OPCML: variants seen among roughly 807,000 people sequenced by gnomAD.
OPCML encodes opioid binding protein/cell adhesion molecule like.
A neutral mutation model predicts 37.8 loss-of-function variants in OPCML; 13 were observed. The observed-to-expected ratio is 0.34, with a 90% CI of 0.22 to 0.55. OPCML has a LOEUF of 0.55. Ranked by LOEUF, OPCML falls within the 20% of genes least tolerant of loss-of-function variation. The pLI is 0.91. For synonymous variants in OPCML, 176 were observed against 168.8 expected, an observed-to-expected ratio of 1.04 and a Z score of -0.33; for missense variants, 341 against 435.6, an observed-to-expected ratio of 0.78 and a Z score of 1.93.
intron 4 of OPCML, among the ~76,000 whole-genome samples, chr11:132,464,631 C>T (rs953980212): frequency 6.6e-6 from 1 of 152,032 alleles, no homozygotes; most frequent in African/African-American, 2.4e-5. Flanking sequence ...TAACAAACTA[C>T]TTTTTATCTG....
chr11:133,486,723 C>A (rs969531356), intron 1 of OPCML, among the ~76,000 whole-genome samples: 2 of 152,086 alleles, frequency 1.3e-5, no homozygotes, highest in Admixed American at 1.3e-4. Flanking sequence ...TTGCCTCTTG[C>A]CGTCTCTACT....
At position 132,683,354 on chromosome 11, in the gene OPCML, G is replaced by T. The variant is rs191719485; in HGVS notation, c.147-26035C>A. 9.1e-4 allele frequency among the ~76,000 whole-genome samples: 139 copies of T among 152,290 alleles called. 1 individual carries two copies. In the East Asian group the frequency reaches 0.016, roughly 17 times the overall value. ...TGCGCCACTGCACTCCAGCCTGGGT[G>T]AGAGAGTGAGACTCTGTCTCAAAAA... is the stretch of plus-strand genomic sequence containing the variant. On this transcript the variant is annotated intron_variant, in intron 2 of 7. Transcript: ENST00000524381.
intron 2 of OPCML, among the ~76,000 whole-genome samples, chr11:132,879,080 CT>C (rs1425035035): frequency 4.6e-5 from 7 of 152,110 alleles, no homozygotes; most frequent in Non-Finnish European, 1.0e-4. Flanking sequence ...GTGGTAGAAA[CT>C]TTGTATAAAT....
In OPCML at chr11:132,943,438, G is replaced by C; in HGVS notation, c.62-428C>G. The C allele has an allele frequency of 2.9e-6, 1 of 349,552 alleles. No homozygotes were observed. The highest frequency in any genetic ancestry group is 5.4e-6 in the Non-Finnish European group (1 of 185,922). The allele number at this position is 349,552 out of a possible 1,614,324, so 21.7% of individuals were successfully genotyped here. On this transcript the variant is annotated intron_variant, in intron 1 of 7. Transcript: ENST00000524381. This position sits in a 1 kb window ranked among gnomAD's most constrained non-coding sequence, Gnocchi z 4.3. ...TTGCGCTTTCTCTGCCTCTCTCTTC[G>C]AGACGCTACTTTAAGATTCAGTTGG...
intron 1 of OPCML, among the ~76,000 whole-genome samples, chr11:133,308,637 A>T (rs1055064343): frequency 6.6e-6 from 1 of 152,176 alleles, no homozygotes; most frequent in Non-Finnish European, 1.5e-5. Context: ...AACTAGATGC[A>T]GTTAACCCAC....
intron 1 of OPCML, among the ~76,000 whole-genome samples, chr11:133,457,183 G>A (rs1946689721): frequency 6.6e-6 from 1 of 152,116 alleles, no homozygotes; most frequent in African/African-American, 2.4e-5. Context: ...AAAACTTACA[G>A]GCCAGAGAAA....
At chr11:132,546,199 T>C (rs546410266) in intron 3 of OPCML, among the ~76,000 whole-genome samples, 158 of 152,350 alleles carry the variant, frequency 1.0e-3, no homozygotes, top group African/African-American at 3.5e-3. Flanking sequence ...TTTATGTCTT[T>C]TGCCCAGGGA....
rs751766375 is a variant in OPCML at position 133,212,571 on chromosome 11, T to A, written c.62-269561A>T. ...TCTGCTCACCCCGCTGCACTCTTGA[T>A]CTCCCTTACTCTCTTTTACTTTCTC... On this transcript the variant is annotated intron_variant, in intron 1 of 7. Coordinates refer to ENST00000524381, the MANE Select transcript of OPCML (RefSeq NM_001012393.5). This position sits in a 1 kb window ranked among gnomAD's most constrained non-coding sequence, Gnocchi z 4.9. Among the ~76,000 whole-genome samples, 1 of 152,188 alleles carries A rather than the reference T, an allele frequency of 6.6e-6. No homozygotes were observed. Among genetic ancestry groups the A allele is most frequent in the Non-Finnish European group, 1.5e-5 (1 of 68,040 alleles).
chr11:133,104,899 T>C (rs1267590031), intron 1 of OPCML, among the ~76,000 whole-genome samples: 1 of 152,228 alleles, frequency 6.6e-6, no homozygotes, highest in Non-Finnish European at 1.5e-5. Context: ...AGGAATAATT[T>C]TCCTATAAAG....
chr11:132,948,132 C>A (rs1289061519), intron 1 of OPCML, among the ~76,000 whole-genome samples: 1 of 152,176 alleles, frequency 6.6e-6, no homozygotes, highest in Non-Finnish European at 1.5e-5. Context: ...TTGAAATGTA[C>A]CGGGCATGTT....
chr11:132,590,518 C>A (rs925622370), intron 3 of OPCML, among the ~76,000 whole-genome samples: 1 of 152,110 alleles, frequency 6.6e-6, no homozygotes, highest in African/African-American at 2.4e-5. Flanking sequence ...TTTATAAGGC[C>A]ATGTTATGAA....
In OPCML at chr11:132,688,975, A is replaced by C. The variant is rs1371220524; in HGVS notation, c.147-31656T>G. On this transcript the variant is annotated intron_variant, in intron 2 of 7. Transcript: ENST00000524381. ...CCGTCTCAAAAAAAAAAAAAAAAAA[A>C]AAAAAAAAATAGAAAAGCTCCTTTT... is the stretch of plus-strand genomic sequence containing the variant. Among the ~76,000 whole-genome samples, 2 of 150,192 alleles carry C rather than the reference A, an allele frequency of 1.3e-5. 1 individual carries two copies. The highest frequency in any genetic ancestry group is 3.0e-5 in the Non-Finnish European group (2 of 67,688).
intron 1 of OPCML, chr11:133,006,073 C>T (rs1947104943): frequency 1.0e-6 from 1 of 985,250 alleles, no homozygotes; most frequent in Non-Finnish European, 1.2e-6. Flanking sequence ...ATGGAGTGTG[C>T]TCATAACAGT....
intron 3 of OPCML, among the ~76,000 whole-genome samples, chr11:132,548,518 A>G (rs1292979409): frequency 2.6e-5 from 4 of 152,190 alleles, no homozygotes. Context: ...GGCATTTAAA[A>G]GTTAGATAAG....
intron 2 of OPCML, among the ~76,000 whole-genome samples, chr11:132,784,236 G>T (rs558325633): frequency 6.6e-6 from 1 of 152,126 alleles, no homozygotes; most frequent in Non-Finnish European, 1.5e-5. Context: ...GTAACAATTT[G>T]CCTTAACTAA....
At chr11:133,052,645 C>G (rs1340283717) in intron 1 of OPCML, among the ~76,000 whole-genome samples, 1 of 152,176 alleles carries the variant, frequency 6.6e-6, no homozygotes, top group African/African-American at 2.4e-5. Context: ...GCATGTGGGC[C>G]AGTCCCTTTG....
intron 2 of OPCML, among the ~76,000 whole-genome samples, chr11:132,744,817 GAGCCAAGGTTATA>G (rs1422203862): frequency 1.3e-5 from 2 of 152,358 alleles, no homozygotes; most frequent in East Asian, 3.9e-4. Context: ...ATGCTTCAGA[GAGCCAAGGTTATA>G]AATACTCTCT....
intron 1 of OPCML, among the ~76,000 whole-genome samples, chr11:132,944,382 C>T (rs1056737891): frequency 6.6e-6 from 1 of 152,190 alleles, no homozygotes; most frequent in Non-Finnish European, 1.5e-5. Context: ...GCGCTGCGAA[C>T]GGCTCCCCGC....
intron 1 of OPCML, among the ~76,000 whole-genome samples, chr11:133,327,248 T>G (rs1352410416): frequency 2.6e-5 from 4 of 151,534 alleles, no homozygotes; most frequent in Non-Finnish European, 4.4e-5. Context: ...ATATGTGGTG[T>G]GTGAGTTGTT....
Sources: gnomAD v4.1 joint callset for allele counts (sites outside exome capture counted in the v4.1 genomes callset) on GRCh38, gnomAD v4.1.1 for gene constraint, Gnocchi (gnomAD v3.1) non-coding constraint, MANE v1.5 for transcripts, NCBI Gene and HGNC (gene_info 2026-07-23, HGNC 2026-07-21) for gene names.